The following SLC10A7 variants were observed in gnomAD, a reference collection of about 807,000 sequenced individuals.
SLC10A7 encodes the protein solute carrier family 10 member 7, also known as sodium/bile acid cotransporter 7.
A neutral mutation model predicts 43.2 loss-of-function variants in SLC10A7; 29 were observed. The observed-to-expected ratio is 0.67, with a 90% CI of 0.50 to 0.92. The LOEUF (loss-of-function observed/expected upper bound fraction) is 0.92. SLC10A7 is among the 40% of genes least tolerant of loss of function. The pLI is 0.00. For missense variants in SLC10A7, 295 were observed against 403.2 expected (o/e 0.73, Z 2.30); for synonymous variants, 152 against 144.8 (o/e 1.05, Z -0.35).
intron 4 of SLC10A7, among the ~76,000 whole-genome samples, chr4:146,465,622 C>G (rs1271051193): frequency 6.6e-6 from 1 of 152,038 alleles, no homozygotes; most frequent in East Asian, 1.9e-4. Context: ...TGGAAAAGCA[C>G]TACTTATATA....
At chr4:146,472,145 A>T (rs1240061569) in intron 4 of SLC10A7, among the ~76,000 whole-genome samples, 1 of 152,228 alleles carries the variant, frequency 6.6e-6, no homozygotes, top group African/African-American at 2.4e-5. Context: ...TTAAAGAATA[A>T]TGAACGTGCA....
intron 10 of SLC10A7, among the ~76,000 whole-genome samples, chr4:146,261,416 C>G (rs1728212470): frequency 6.7e-6 from 1 of 149,224 alleles, no homozygotes; most frequent in African/African-American, 2.4e-5. Flanking sequence ...AACTTCTTCC[C>G]TTTGCCCCCC....
intron 5 of SLC10A7, among the ~76,000 whole-genome samples, chr4:146,437,365 C>G (rs1579185134): frequency 2.0e-5 from 3 of 151,918 alleles, no homozygotes; most frequent in African/African-American, 4.8e-5. Flanking sequence ...ATTTTAATAC[C>G]CAGGATGGGC....
chr4:146,307,962 CA>C (rs1382181262), intron 6 of SLC10A7, among the ~76,000 whole-genome samples: 3 of 152,114 alleles, frequency 2.0e-5, no homozygotes, highest in Non-Finnish European at 4.4e-5. Flanking sequence ...CTTCGCATAC[CA>C]GACCACTGGC....
intron 6 of SLC10A7, among the ~76,000 whole-genome samples, chr4:146,322,197 G>A (rs1732757891): frequency 6.6e-6 from 1 of 151,874 alleles, no homozygotes; most frequent in Non-Finnish European, 1.5e-5. Context: ...GGAAAGGAGG[G>A]GAAGAAAATT....
intron 5 of SLC10A7, among the ~76,000 whole-genome samples, chr4:146,363,378 G>T (rs767115796): frequency 2.0e-5 from 3 of 152,000 alleles, no homozygotes; most frequent in Non-Finnish European, 4.4e-5. Flanking sequence ...TATTATTAGA[G>T]CTAAAGAGAG....
intron 6 of SLC10A7, among the ~76,000 whole-genome samples, chr4:146,309,410 T>G (rs145299097): frequency 6.6e-6 from 1 of 152,232 alleles, no homozygotes; most frequent in African/African-American, 2.4e-5. Flanking sequence ...GAGGGCTTGT[T>G]AAAACACAGA....
intron 4 of SLC10A7, among the ~76,000 whole-genome samples, chr4:146,499,744 T>C (rs1309772501): frequency 6.6e-6 from 1 of 152,120 alleles, no homozygotes; most frequent in African/African-American, 2.4e-5. Context: ...AGCTATACAA[T>C]ATAAACATTT....
intron 4 of SLC10A7, among the ~76,000 whole-genome samples, chr4:146,481,997 T>G (rs1166853320): frequency 5.9e-5 from 9 of 152,144 alleles, no homozygotes; most frequent in Admixed American, 1.3e-4. Flanking sequence ...CCACAGTCAT[T>G]ACTAATACTG....
chr4:146,521,462 T>C lies in SLC10A7; in HGVS notation c.100+156A>G, dbSNP rs143518995. Reference sequence around the variant, plus strand: ...TCCTAATTACAAGTTCCCTCTGGGGTTGGTAAATTAGAAAATCAGCAAAAG... The same window carrying C: ...TCCTAATTACAAGTTCCCTCTGGGGCTGGTAAATTAGAAAATCAGCAAAAG... On this transcript the variant is annotated intron_variant, in intron 1 of 11. Coordinates refer to ENST00000335472, the MANE Select transcript of SLC10A7 (RefSeq NM_001029998.6). Among the ~76,000 whole-genome samples the C allele has an allele frequency of 7.0e-3, 1,070 of 152,132 alleles. 9 individuals carry two copies. The highest frequency in any genetic ancestry group is 0.025 in the African/African-American group (1,038 of 41,488).
intron 4 of SLC10A7, among the ~76,000 whole-genome samples, chr4:146,467,693 G>A (rs1281835543): frequency 6.7e-6 from 1 of 150,114 alleles, no homozygotes; most frequent in Non-Finnish European, 1.5e-5. Flanking sequence ...CTCCCAAGTA[G>A]CTGGGAGTAC....
chr4:146,404,856 T>G (rs1739473434), intron 5 of SLC10A7, among the ~76,000 whole-genome samples: 1 of 152,198 alleles, frequency 6.6e-6, no homozygotes, highest in South Asian at 2.1e-4. Context: ...AGATGAAGTC[T>G]TTACTGATAT....
At chr4:146,467,879 A>G (rs1733192343) in intron 4 of SLC10A7, among the ~76,000 whole-genome samples, 1 of 152,070 alleles carries the variant, frequency 6.6e-6, no homozygotes, top group Non-Finnish European at 1.5e-5. Flanking sequence ...TCTTTTATCT[A>G]TGATTCAGCC....
intron 5 of SLC10A7, among the ~76,000 whole-genome samples, chr4:146,394,110 G>A (rs1179756815): frequency 1.3e-5 from 2 of 152,126 alleles, no homozygotes. Flanking sequence ...AGCACAATTG[G>A]AAGTTTTCTT....
At chr4:146,441,656 G>C in intron 5 of SLC10A7, 1 of 975,896 alleles carries the variant, frequency 1.0e-6, no homozygotes, top group Non-Finnish European at 1.2e-6. Context: ...TAAGCAATCC[G>C]AGAGATTATT....
rs77867410 is a variant in SLC10A7 at position 146,280,380 on chromosome 4, C to T, written c.847+2812G>A. 1.2e-3 allele frequency among the ~76,000 whole-genome samples: 185 copies of T among 152,248 alleles called. 2 individuals are homozygous for T. In the East Asian group the frequency reaches 0.02, roughly 16 times the overall value. ...TTCTGGACTATGAAGTCCTCATACT[C>T]CTTGTGATGTTCTTGCATTTCCATG... is the stretch of plus-strand genomic sequence containing the variant. On this transcript the variant is annotated intron_variant, in intron 10 of 11. Transcript: ENST00000335472.
chr4:146,510,338 C>A (rs894619367), intron 2 of SLC10A7, among the ~76,000 whole-genome samples: 1 of 151,364 alleles, frequency 6.6e-6, no homozygotes, highest in African/African-American at 2.4e-5. Flanking sequence ...TGGCTCACTG[C>A]AACCTCCGTC....
At chr4:146,322,702 A>T (rs1222020706) in intron 6 of SLC10A7, among the ~76,000 whole-genome samples, 1 of 152,126 alleles carries the variant, frequency 6.6e-6, no homozygotes. Context: ...GTGTCTTTAT[A>T]GCAGCATGAT....
At chr4:146,468,473 A>ATTTTTTTTTTTTTTTTTTTT (rs368637891) in intron 4 of SLC10A7, among the ~76,000 whole-genome samples, 2 of 143,608 alleles carry the variant, frequency 1.4e-5, no homozygotes, top group East Asian at 4.2e-4. Flanking sequence ...TTATATTTTA[A>ATTTTTTTTTTTTTTTTTTTT]TTTTTTTTTT....
Sources: gnomAD v4.1 joint callset for allele counts (sites outside exome capture counted in the v4.1 genomes callset) on GRCh38, gnomAD v4.1.1 for gene constraint, MANE v1.5 for transcripts, NCBI Gene and HGNC (gene_info 2026-07-23, HGNC 2026-07-21) for gene names.